CLTCL1: variants seen among roughly 807,000 people sequenced by gnomAD.
CLTCL1 encodes clathrin heavy chain 2.
Under a neutral mutation model 190.0 loss-of-function variants are expected in CLTCL1, and 159 were observed. The ratio of observed to expected loss-of-function variants is 0.84; its 90% CI spans 0.74 to 0.95. The LOEUF (loss-of-function observed/expected upper bound fraction) is 0.95, where lower values mean the gene tolerates loss of function less well. Ranked by LOEUF, CLTCL1 falls within the 40% of genes least tolerant of loss-of-function variation. The probability of loss-of-function intolerance (pLI) is 0.00; values close to 1 mark genes in which losing one functional copy is unlikely to be tolerated. For synonymous variants in CLTCL1, 752 were observed against 769.6 expected, an observed-to-expected ratio of 0.98 and a Z score of 0.38; for missense variants, 1,878 against 2,033.4, an observed-to-expected ratio of 0.92 and a Z score of 1.47.
intron 29 of CLTCL1, chr22:19,184,507 T>C (rs1044230787): frequency 3.3e-5 from 15 of 455,954 alleles, no homozygotes; most frequent in African/African-American, 2.0e-4. Flanking sequence ...ATGCTGCTCA[T>C]CGATCGCTGC....
chr22:19,211,072 T>C (rs185860097), intron 19 of CLTCL1, among the ~76,000 whole-genome samples: 29 of 129,182 alleles, frequency 2.2e-4, no homozygotes, highest in Admixed American at 7.9e-4. Flanking sequence ...TTAATTATAA[T>C]AGATGCATTC....
At chr22:19,250,088 T>C in intron 3 of CLTCL1, 1 of 212,992 alleles carries the variant, frequency 4.7e-6, no homozygotes, top group Non-Finnish European at 9.9e-6. Context: ...ACACTGTCTC[T>C]ACTAAAAACG....
In CLTCL1 at chr22:19,221,473, A is replaced by G. The variant is rs1300172510; in HGVS notation, c.2700T>C (p.Tyr900=). 1.3e-6 allele frequency: 2 copies of G among 1,591,732 alleles called. No individual in the cohort carries two copies. The highest frequency in any genetic ancestry group is 1.7e-6 in the Non-Finnish European group (2 of 1,168,910). ...AGTAGCGGCCCACCACGCTGCTGTC[A>G]TAGTAGGCATTCTCTCTCAGGAAGC... The part of the protein sequence containing the change: ...PECFLRENAY[Y]DSSVVGRYCE... The change falls in exon 17 of 33, where the codon TAT becomes TAC. Residue 900 remains tyrosine, a synonymous_variant. Coordinates refer to ENST00000427926, the MANE Select transcript of CLTCL1 (RefSeq NM_007098.4).
chr22:19,196,960 G>A (rs1555936277), intron 24 of CLTCL1, among the ~76,000 whole-genome samples: 1 of 152,168 alleles, frequency 6.6e-6, no homozygotes, highest in Non-Finnish European at 1.5e-5. Flanking sequence ...GGTGGTAACA[G>A]GGTCTGGGAA....
At chr22:19,262,123 T>C (rs1555975880) in intron 2 of CLTCL1, among the ~76,000 whole-genome samples, 1 of 151,922 alleles carries the variant, frequency 6.6e-6, no homozygotes, top group African/African-American at 2.4e-5. Context: ...CCTCCCGGAT[T>C]CAAGCGATTC....
At position 19,223,882 on chromosome 22, in the gene CLTCL1, G is replaced by T; in HGVS notation, c.2292+9C>A. 1 of 1,613,168 alleles carries T rather than the reference G, an allele frequency of 6.2e-7. No homozygotes were observed. Among genetic ancestry groups the T allele is most frequent in the Non-Finnish European group, 8.5e-7 (1 of 1,179,824 alleles). ...GCAGCTCATGGAAGGAGGCAGCACT[G>T]GAACACACCTTCAGGAAGTTCTTCA... On this transcript the variant is annotated intron_variant, in intron 14 of 32. Transcript: ENST00000427926.
intron 6 of CLTCL1, 43 bp from the exon 7 acceptor site, chr22:19,234,749 T>C (rs782265724): frequency 5.9e-6 from 9 of 1,517,848 alleles, no homozygotes; most frequent in Admixed American, 3.4e-5. Context: ...CCTAGAAGAG[T>C]GCTCCACCAT....
chr22:19,249,682 C>T (rs1204734830), intron 3 of CLTCL1, among the ~76,000 whole-genome samples: 2 of 151,478 alleles, frequency 1.3e-5, no homozygotes, highest in Admixed American at 6.6e-5. Context: ...GACAACAGAG[C>T]AAGGCTCTGT....
Position 19,257,824 on chromosome 22 carries a change from T to C in CLTCL1, c.251-3597A>G, listed in dbSNP as rs577982326. On this transcript the variant is annotated intron_variant, in intron 2 of 32. Transcript: ENST00000427926. ...TCCTACCTGGACAGAGTGAGGAGCC[T>C]GGAGACTGAGAATTAGAGGCTGGAG... 5.7e-5 allele frequency: 82 copies of C among 1,429,664 alleles called. No individual in the cohort carries two copies. The Middle Eastern group carries it at 6.0e-4, about 10-fold the overall frequency. 88.6% of individuals were successfully genotyped at this position (1,429,664 alleles called of 1,614,324 possible). A position where few individuals can be genotyped will look rare whatever the true frequency, so the allele number is the denominator to read the frequency against.
intron 26 of CLTCL1, among the ~76,000 whole-genome samples, chr22:19,195,943 A>C (rs1555935177): frequency 6.6e-6 from 1 of 152,050 alleles, no homozygotes; most frequent in Non-Finnish European, 1.5e-5. Flanking sequence ...GGAAGAACGA[A>C]CTGAGGCCTG....
chr22:19,219,978 G>A lies in CLTCL1; in HGVS notation c.2826C>T (p.Ser942=), dbSNP rs199728866. The change falls in exon 18 of 33, where the codon AGC becomes AGT. Residue 942 remains serine (S), a synonymous_variant. Coordinates refer to ENST00000427926, the MANE Select transcript of CLTCL1 (RefSeq NM_007098.4). The part of the protein sequence containing the change: ...KVCNENSLFK[S]EARYLVCRKD... ...TTCTGCATACCAGGTAGCGGGCCTC[G>A]CTTTTGAACAGAGAATTCTCATTGC... 5.3e-5 allele frequency: 86 copies of A among 1,613,894 alleles called. No individual in the cohort carries two copies. The Middle Eastern group carries it at 6.6e-4, about 12-fold the overall frequency.
At chr22:19,251,674 T>C (rs1555970113) in intron 3 of CLTCL1, among the ~76,000 whole-genome samples, 1 of 152,186 alleles carries the variant, frequency 6.6e-6, no homozygotes, top group African/African-American at 2.4e-5. Flanking sequence ...GCCAGGATGG[T>C]CTCAATCTCC....
chr22:19,266,868 C>A (rs1309713558), intron 2 of CLTCL1, among the ~76,000 whole-genome samples: 1 of 152,148 alleles, frequency 6.6e-6, no homozygotes, highest in Non-Finnish European at 1.5e-5. Flanking sequence ...GATTTATCTA[C>A]CCCAAATCCA....
At chr22:19,239,725 T>C (rs1434287436) in intron 4 of CLTCL1, among the ~76,000 whole-genome samples, 1 of 152,198 alleles carries the variant, frequency 6.6e-6, no homozygotes, top group Non-Finnish European at 1.5e-5. Context: ...CTCTGCTCTC[T>C]GCCTTTCTGG....
At chr22:19,231,217 T>G (rs2085910452) in intron 10 of CLTCL1, among the ~76,000 whole-genome samples, 1 of 152,182 alleles carries the variant, frequency 6.6e-6, no homozygotes, top group Non-Finnish European at 1.5e-5. Context: ...GAGCCAATTC[T>G]CCTAATAAAC....
intron 2 of CLTCL1, among the ~76,000 whole-genome samples, chr22:19,271,993 T>C (rs899053734): frequency 6.6e-6 from 1 of 152,166 alleles, no homozygotes; most frequent in Non-Finnish European, 1.5e-5. Flanking sequence ...CCTGTAGTCC[T>C]AGCTACTTCA....
At chr22:19,195,262 A>G (rs148105149) in intron 26 of CLTCL1, among the ~76,000 whole-genome samples, 3 of 152,192 alleles carry the variant, frequency 2.0e-5, no homozygotes, top group Non-Finnish European at 4.4e-5. Flanking sequence ...CAACCTGCAG[A>G]CTCTGCTCAG....
At position 19,225,534 on chromosome 22, in the gene CLTCL1, C is replaced by A; in HGVS notation, c.2047G>T (p.Val683Leu). 6.3e-7 allele frequency: 1 copy of A among 1,588,110 alleles called. No individual in the cohort carries two copies. The highest frequency in any genetic ancestry group is 8.6e-7 in the Non-Finnish European group (1 of 1,166,900). Reference protein sequence around the residue: ...ANIRQNLQLCVQVASKYHEQL... With the variant: ...ANIRQNLQLCLQVASKYHEQL... The stretch of plus-strand genomic sequence containing the variant: ...TCGTGGTACTTAGAGGCCACCTGCA[C>A]ACACAGCTGAAGGTTCTGTCTGATG... The change falls in exon 13 of 33, where the codon GTG becomes TTG. Residue 683 changes from valine (V) to leucine (L), a missense_variant. By Grantham distance (32) the Val-to-Leu change is conservative. Coordinates refer to ENST00000427926, the MANE Select transcript of CLTCL1 (RefSeq NM_007098.4).
chr22:19,268,132 A>G (rs2087181700), intron 2 of CLTCL1, among the ~76,000 whole-genome samples: 2 of 152,178 alleles, frequency 1.3e-5, no homozygotes. Context: ...GCAAGCCCTC[A>G]TGTTCTCACA....
Sources: allele counts gnomAD v4.1 joint callset (sites outside exome capture counted in the v4.1 genomes callset), GRCh38; gene constraint gnomAD v4.1.1; transcripts MANE v1.5; gene names NCBI Gene and HGNC (gene_info 2026-07-23, HGNC 2026-07-21).